Variants in FARP1 observed in about 807,000 individuals in gnomAD.
The protein encoded by FARP1 is FERM, ARH/RhoGEF and pleckstrin domain protein 1.
Under a neutral mutation model 128.8 loss-of-function variants are expected in FARP1, and 52 were observed. The observed-to-expected ratio is 0.40, with a 90% CI of 0.32 to 0.51. The LOEUF (loss-of-function observed/expected upper bound fraction) is 0.51. FARP1 is among the 20% of genes least tolerant of loss of function. FARP1 has a pLI of 0.45. For synonymous variants in FARP1, 580 were observed against 551.8 expected, an observed-to-expected ratio of 1.05 and a Z score of -0.72; for missense variants, 1,333 against 1,367.9, an observed-to-expected ratio of 0.97 and a Z score of 0.40.
At chr13:98,192,394 AC>A (rs1879295346) in intron 1 of FARP1, among the ~76,000 whole-genome samples, 1 of 151,842 alleles carries the variant, frequency 6.6e-6, no homozygotes, top group Non-Finnish European at 1.5e-5. Flanking sequence ...ATTGACTGTT[AC>A]TTTTTTTTTT....
At chr13:98,292,401 G>A (rs1885489647) in intron 2 of FARP1, among the ~76,000 whole-genome samples, 1 of 152,160 alleles carries the variant, frequency 6.6e-6, no homozygotes, top group Non-Finnish European at 1.5e-5. Flanking sequence ...TGTTGGTGGG[G>A]GAAAGCCATG....
chr13:98,204,731 A>G (rs1027063637), intron 1 of FARP1, among the ~76,000 whole-genome samples: 2 of 152,188 alleles, frequency 1.3e-5, no homozygotes, highest in Non-Finnish European at 2.9e-5. Flanking sequence ...AGGCCAAGGC[A>G]GAAAGATTGC....
chr13:98,435,404 A>AT, intron 18 of FARP1, 172 bp from the exon 19 acceptor site: 2 of 622,036 alleles, frequency 3.2e-6, no homozygotes, highest in Non-Finnish European at 5.3e-6. Flanking sequence ...AATACAGAAA[A>AT]TACACCATCA....
intron 2 of FARP1, among the ~76,000 whole-genome samples, chr13:98,335,062 G>C (rs1194488769): frequency 6.6e-6 from 1 of 152,166 alleles, no homozygotes; most frequent in Non-Finnish European, 1.5e-5. Flanking sequence ...AAACACATTA[G>C]GTACTCCACT....
intron 2 of FARP1, among the ~76,000 whole-genome samples, chr13:98,295,377 A>G (rs1594369746): frequency 6.6e-6 from 1 of 152,072 alleles, no homozygotes; most frequent in African/African-American, 2.4e-5. Flanking sequence ...TATGGGGAGG[A>G]TGAAGGGGCA....
chr13:98,385,945 C>A (rs1446232727), intron 8 of FARP1, 131 bp downstream of exon 8: 26 of 925,844 alleles, frequency 2.8e-5, no homozygotes, highest in Non-Finnish European at 4.2e-5. Flanking sequence ...GAAAAATTAA[C>A]CTCATCTCAG....
intron 8 of FARP1, 146 bp from the exon 9 acceptor site, chr13:98,388,237 A>G (rs1890172535): frequency 1.6e-6 from 1 of 629,086 alleles, no homozygotes; most frequent in African/African-American, 1.8e-5. Context: ...CGATAGCCAC[A>G]GATCCTGTGA....
chr13:98,364,266 T>C (rs1888993383), intron 3 of FARP1, among the ~76,000 whole-genome samples: 3 of 152,200 alleles, frequency 2.0e-5, no homozygotes, highest in South Asian at 2.1e-4. Flanking sequence ...TACTAATCCA[T>C]GTATCTATCA....
rs79662046 is a variant in FARP1 at position 98,288,701 on chromosome 13, G to A, written c.172-55061G>A. Reference sequence around the variant, plus strand: ...CTCATGGTTAGTGGTGCCTACAGACGGATCATTGTTTTGATGGCGGTAACA... The same window carrying A: ...CTCATGGTTAGTGGTGCCTACAGACAGATCATTGTTTTGATGGCGGTAACA... On this transcript the variant is annotated intron_variant, in intron 2 of 26. Coordinates refer to ENST00000319562, the MANE Select transcript of FARP1 (RefSeq NM_005766.4). Among the ~76,000 whole-genome samples the A allele has an allele frequency of 2.6e-3, 399 of 152,234 alleles. 7 individuals are homozygous for A. In the East Asian group the frequency reaches 0.046, roughly 17 times the overall value.
At chr13:98,256,920 TAAC>T (rs571959755) in intron 2 of FARP1, among the ~76,000 whole-genome samples, 141 of 117,194 alleles carry the variant, frequency 1.2e-3, no homozygotes, top group African/African-American at 3.8e-3. Flanking sequence ...TGATAAATAA[TAAC>T]AATAATTTTC....
chr13:98,442,565 G>A (rs966517050), intron 24 of FARP1, among the ~76,000 whole-genome samples: 2 of 152,142 alleles, frequency 1.3e-5, no homozygotes, highest in Admixed American at 1.3e-4. Flanking sequence ...TCCCTCCCCG[G>A]GCCTCCTGAC....
intron 3 of FARP1, among the ~76,000 whole-genome samples, chr13:98,356,180 C>A (rs905376839): frequency 6.6e-6 from 1 of 152,102 alleles, no homozygotes; most frequent in African/African-American, 2.4e-5. Context: ...TATTAAAAAT[C>A]TCTGTAATTA....
At chr13:98,208,113 A>C (rs1179290149) in intron 1 of FARP1, among the ~76,000 whole-genome samples, 1 of 152,048 alleles carries the variant, frequency 6.6e-6, no homozygotes, top group African/African-American at 2.4e-5. Context: ...AACCAAACAG[A>C]TTAGAAACAG....
chr13:98,402,606 C>T (rs1483762930), intron 13 of FARP1: 1 of 152,156 alleles, frequency 6.6e-6, no homozygotes, highest in Non-Finnish European at 1.5e-5. Flanking sequence ...GTCACTTTCC[C>T]TGCAGTGATT....
intron 2 of FARP1, among the ~76,000 whole-genome samples, chr13:98,303,004 G>C (rs1051922368): frequency 6.6e-6 from 1 of 152,118 alleles, no homozygotes; most frequent in Non-Finnish European, 1.5e-5. Context: ...TGAATTTTGC[G>C]GGCCCACTCT....
intron 3 of FARP1, among the ~76,000 whole-genome samples, chr13:98,344,329 G>A (rs1382901112): frequency 1.3e-5 from 2 of 152,240 alleles, no homozygotes; most frequent in East Asian, 1.9e-4. Flanking sequence ...CCAGAGGTGG[G>A]GTTGGGGGCA....
At chr13:98,334,558 T>A (rs1258567101) in intron 2 of FARP1, among the ~76,000 whole-genome samples, 4 of 152,178 alleles carry the variant, frequency 2.6e-5, no homozygotes, top group African/African-American at 9.7e-5. Flanking sequence ...AAAAGGGAGA[T>A]AATAATAGCA....
intron 2 of FARP1, among the ~76,000 whole-genome samples, chr13:98,282,371 A>G (rs1412710787): frequency 6.6e-6 from 1 of 152,202 alleles, no homozygotes; most frequent in Non-Finnish European, 1.5e-5. Flanking sequence ...TTCCTAGGAC[A>G]TAGAAGGTTG....
At chr13:98,275,628 CTTTT>C (rs201108793) in intron 2 of FARP1, among the ~76,000 whole-genome samples, 4 of 67,078 alleles carry the variant, frequency 6.0e-5, no homozygotes, top group African/African-American at 8.6e-5. Context: ...CTCTTTCTCT[CTTTT>C]TTTTTTTTTT....
Sources: gnomAD v4.1 joint callset for allele counts (sites outside exome capture counted in the v4.1 genomes callset) on GRCh38, gnomAD v4.1.1 for gene constraint, MANE v1.5 for transcripts, NCBI Gene and HGNC (gene_info 2026-07-23, HGNC 2026-07-21) for gene names.